The following RC3H1 variants were observed in gnomAD, a reference collection of about 807,000 sequenced individuals.
RC3H1 encodes the protein roquin-1.
RC3H1 carries 50 observed loss-of-function variants against 138.2 expected under a neutral mutation model. That is an observed-to-expected ratio of 0.36 (90% CI 0.29 to 0.46). The LOEUF (loss-of-function observed/expected upper bound fraction) is 0.46. RC3H1 is among the 20% of genes least tolerant of loss of function. The pLI, the probability that RC3H1 is intolerant of heterozygous loss-of-function variation, is 1.00. For synonymous variants in RC3H1, 462 were observed against 489.1 expected (o/e 0.94, Z 0.73); for missense variants, 1,031 against 1,388.1 (o/e 0.74, Z 4.09).
In RC3H1 at chr1:173,939,383, C is replaced by A. The variant is rs111657761; in HGVS notation, c.3252-512G>T. On this transcript the variant is annotated intron_variant, in intron 19 of 19. Coordinates refer to ENST00000367696, the MANE Select transcript of RC3H1 (RefSeq NM_172071.4). ...TGAAACCCTGTCTCTACTAAAAATA[C>A]AAAAATTAGCCTGGTGGTGTGTGCC... 4.0e-3 allele frequency among the ~76,000 whole-genome samples: 604 copies of A among 151,586 alleles called. 4 individuals are homozygous for A. Among genetic ancestry groups the A allele is most frequent in the African/African-American group, 0.013 (523 of 41,332 alleles).
chr1:173,954,995 G>A (rs1055823335), intron 13 of RC3H1, among the ~76,000 whole-genome samples: 14 of 152,084 alleles, frequency 9.2e-5, no homozygotes, highest in Admixed American at 9.2e-4. Context: ...GGGAGGCTGA[G>A]GCGGGCAGAT....
chr1:174,015,127 C>T (rs1448814781), intron 1 of RC3H1, among the ~76,000 whole-genome samples: 1 of 152,078 alleles, frequency 6.6e-6, no homozygotes, highest in Non-Finnish European at 1.5e-5. Flanking sequence ...ACCTTTTAAT[C>T]TGCTGTGGGA....
intron 13 of RC3H1, among the ~76,000 whole-genome samples, chr1:173,956,566 G>A (rs1489134720): frequency 6.7e-6 from 1 of 150,276 alleles, no homozygotes; most frequent in Non-Finnish European, 1.5e-5. Context: ...GGCTGAGGCA[G>A]AAGAATCACT....
chr1:174,019,361 C>T (rs1186902090), intron 1 of RC3H1, among the ~76,000 whole-genome samples: 1 of 152,152 alleles, frequency 6.6e-6, no homozygotes, highest in East Asian at 1.9e-4. Context: ...AACTGTGACA[C>T]ATGTGGTAGT....
Position 173,965,138 on chromosome 1 carries a change from G to A in RC3H1, c.1335-18C>T. The A allele has an allele frequency of 1.3e-6, 2 of 1,573,038 alleles. No homozygotes were observed. The highest frequency in any genetic ancestry group is 1.2e-5 in the South Asian group (1 of 85,084). Reference sequence around the variant, plus strand: ...TACGAAATCTATATAAAAAGCATAGGCACATATCAAAAAGCAAATATAAAA... The same window carrying A: ...TACGAAATCTATATAAAAAGCATAGACACATATCAAAAAGCAAATATAAAA... On this transcript the variant is annotated intron_variant, in intron 9 of 19. Transcript: ENST00000367696.
At chr1:174,019,526 G>T (rs1661920461) in intron 1 of RC3H1, among the ~76,000 whole-genome samples, 1 of 152,188 alleles carries the variant, frequency 6.6e-6, no homozygotes, top group South Asian at 2.1e-4. Flanking sequence ...GCAGCATAAT[G>T]AGGAAGCTTA....
chr1:173,960,706 A>G (rs895737887), intron 13 of RC3H1, among the ~76,000 whole-genome samples: 1 of 152,202 alleles, frequency 6.6e-6, no homozygotes, highest in African/African-American at 2.4e-5. Context: ...ACTTATTATA[A>G]AACTATACGA....
intron 14 of RC3H1, among the ~76,000 whole-genome samples, chr1:173,947,980 G>GCAATCCT (rs140479226): frequency 0.41 from 62,439 of 151,704 alleles, 17,584 homozygotes; most frequent in African/African-American, 0.8. Flanking sequence ...CCTGGGCTTA[G>GCAATCCT]CTTGCCTCAA....
At position 173,965,018 on chromosome 1, in the gene RC3H1, A is replaced by C; in HGVS notation, c.1437T>G (p.Asp479Glu). Residue 479 changes from aspartate (D) to glutamate (E), a missense_variant, in exon 10 of 20, where the codon GAT becomes GAG. Around this residue, in one of 7 missense-constraint regions of RC3H1, gnomAD observed 716 missense variants for 837.9 expected, o/e 0.85. Coordinates refer to ENST00000367696, the MANE Select transcript of RC3H1 (RefSeq NM_172071.4). ...VGLPSAAILP[D>E]EGAVDLPSRK... ...TGCTAGGGAGATCCACTGCACCTTCATCTGGAAGGATAGCTGCTGAAGGCA... is the reference window on the plus strand; with the variant it reads ...TGCTAGGGAGATCCACTGCACCTTCCTCTGGAAGGATAGCTGCTGAAGGCA... 1 of 1,614,112 alleles carries C rather than the reference A, an allele frequency of 6.2e-7. No homozygotes were observed. The highest frequency in any genetic ancestry group is 8.5e-7 in the Non-Finnish European group (1 of 1,180,018).
intron 2 of RC3H1, among the ~76,000 whole-genome samples, chr1:173,992,025 A>C (rs1473324538): frequency 6.6e-6 from 1 of 152,142 alleles, no homozygotes; most frequent in Non-Finnish European, 1.5e-5. Context: ...CTTTCATTTC[A>C]GTTAATGTCT....
At chr1:173,946,101 G>A (rs1659123213) in intron 17 of RC3H1, among the ~76,000 whole-genome samples, 1 of 151,832 alleles carries the variant, frequency 6.6e-6, no homozygotes. Flanking sequence ...CCCAGGAGGT[G>A]GAGGTTGCAG....
At chr1:174,018,271 T>C (rs1323817662) in intron 1 of RC3H1, among the ~76,000 whole-genome samples, 5 of 152,046 alleles carry the variant, frequency 3.3e-5, no homozygotes, top group Non-Finnish European at 7.4e-5. Flanking sequence ...ATAAGTAAGG[T>C]GACTTTAAAT....
chr1:173,998,965 G>A (rs1310903675), intron 1 of RC3H1, among the ~76,000 whole-genome samples: 5 of 151,902 alleles, frequency 3.3e-5, no homozygotes, highest in Non-Finnish European at 2.9e-5. Flanking sequence ...GTGGTGGCAC[G>A]TACTTGTAGT....
At chr1:173,955,140 C>T (rs1429676209) in intron 13 of RC3H1, among the ~76,000 whole-genome samples, 2 of 146,138 alleles carry the variant, frequency 1.4e-5, no homozygotes, top group South Asian at 2.3e-4. Flanking sequence ...GCGGGAGAAT[C>T]GCTTGAACCT....
chr1:174,012,126 TG>T (rs111338785), intron 1 of RC3H1, among the ~76,000 whole-genome samples: 7,458 of 137,696 alleles, frequency 0.054, 610 homozygotes, highest in African/African-American at 0.24. Context: ...GTGGCAGGGG[TG>T]GCCTGAGGTG....
chr1:173,981,054 T>C (rs1660792969), intron 5 of RC3H1, 45 bp from the exon 6 acceptor site: 1 of 1,506,888 alleles, frequency 6.6e-7, no homozygotes, highest in Admixed American at 1.8e-5. Flanking sequence ...AAAAAATGAG[T>C]TTATGCTTTA....
Position 173,969,395 on chromosome 1 carries a change from T to G in RC3H1, c.1334+1110A>C, listed in dbSNP as rs569130095. 4 of 151,670 alleles carry G rather than the reference T, an allele frequency of 2.6e-5. No individual in the cohort carries two copies. The South Asian group carries it at 8.3e-4, about 31-fold the overall frequency. The allele number at this position is 151,670 out of a possible 1,614,324, so 9.4% of individuals were successfully genotyped here. A position where few individuals can be genotyped will look rare whatever the true frequency, so the allele number is the denominator to read the frequency against. On this transcript the variant is annotated intron_variant, in intron 9 of 19. Coordinates refer to ENST00000367696, the MANE Select transcript of RC3H1 (RefSeq NM_172071.4). ...GCCTGACCATGCTTAGCTTCCGAGA[T>G]CAGATGAGCTCAGGTGGATTCAGGG... is the stretch of plus-strand genomic sequence containing the variant.
At chr1:173,952,446 A>C (rs1198967089) in intron 13 of RC3H1, among the ~76,000 whole-genome samples, 1 of 148,570 alleles carries the variant, frequency 6.7e-6, no homozygotes, top group Non-Finnish European at 1.5e-5. Flanking sequence ...CCTTCCAGGA[A>C]TCAAACTAGG....
At chr1:174,016,964 C>G (rs1193480331) in intron 1 of RC3H1, among the ~76,000 whole-genome samples, 4 of 152,070 alleles carry the variant, frequency 2.6e-5, no homozygotes, top group Admixed American at 2.6e-4. Flanking sequence ...TAGAGGTGAT[C>G]AGGTATAGGG....
Sources: gnomAD v4.1 joint callset for allele counts (sites outside exome capture counted in the v4.1 genomes callset) on GRCh38, gnomAD v4.1.1 for gene constraint, gnomAD v4.1.1 regional missense constraint, MANE v1.5 for transcripts, NCBI Gene and HGNC (gene_info 2026-07-23, HGNC 2026-07-21) for gene names.